SPICE1: variants seen among roughly 807,000 people sequenced by gnomAD.
The protein encoded by SPICE1 is spindle and centriole-associated protein 1.
Under a neutral mutation model 102.7 loss-of-function variants are expected in SPICE1, and 75 were observed. The ratio of observed to expected loss-of-function variants is 0.73; its 90% CI spans 0.61 to 0.88. SPICE1 has a LOEUF of 0.88. SPICE1 is among the 40% of genes least tolerant of loss of function. The pLI, the probability that SPICE1 is intolerant of heterozygous loss-of-function variation, is 0.00. For missense variants in SPICE1, 979 were observed against 1,020.1 expected, an observed-to-expected ratio of 0.96 and a Z score of 0.55; for synonymous variants, 308 against 350.3, an observed-to-expected ratio of 0.88 and a Z score of 1.35.
chr3:113,504,155 T>C (rs1576649711), intron 2 of SPICE1, among the ~76,000 whole-genome samples: 1 of 151,994 alleles, frequency 6.6e-6, no homozygotes, highest in Non-Finnish European at 1.5e-5. Flanking sequence ...AATATCAGAG[T>C]CCGTGTAAAT....
chr3:113,496,600 A>G (rs1463643), intron 4 of SPICE1, among the ~76,000 whole-genome samples: 38,223 of 152,112 alleles, frequency 0.25, 5,138 homozygotes, highest in African/African-American at 0.35. Context: ...CTTGATTCCC[A>G]TGGCATGGGT....
chr3:113,476,629 C>T (rs1303201884), intron 7 of SPICE1, among the ~76,000 whole-genome samples: 1 of 148,496 alleles, frequency 6.7e-6, no homozygotes, highest in Non-Finnish European at 1.5e-5. Context: ...GAAATAACGC[C>T]GCATATCTAC....
In SPICE1 at chr3:113,444,026, T is replaced by C. The variant is rs1442065853; in HGVS notation, c.*1281A>G. ...AGGTTGAGCAAGTTATTAGCAGCTT[T>C]CTGGGGCATACTGGAGAAGTCATAT... On this transcript the variant is annotated 3_prime_UTR_variant, in exon 18 of 18. Transcript: ENST00000295872. 3 of 152,182 alleles carry C rather than the reference T, an allele frequency of 2.0e-5. No homozygotes were observed. The highest frequency in any genetic ancestry group is 4.4e-5 in the Non-Finnish European group (3 of 68,042). 9.4% of individuals were successfully genotyped at this position (152,182 alleles called of 1,614,324 possible). A position where few individuals can be genotyped will look rare whatever the true frequency, so the allele number is the denominator to read the frequency against.
At chr3:113,470,019 G>A (rs1055300877) in intron 7 of SPICE1, among the ~76,000 whole-genome samples, 3 of 152,112 alleles carry the variant, frequency 2.0e-5, no homozygotes, top group African/African-American at 7.2e-5. Flanking sequence ...TGCAGTTTAG[G>A]GGTTAGTAAT....
intron 7 of SPICE1, among the ~76,000 whole-genome samples, chr3:113,474,978 A>G (rs1417818059): frequency 6.6e-6 from 1 of 152,220 alleles, no homozygotes; most frequent in Admixed American, 6.5e-5. Context: ...CCCTTCAAAA[A>G]AGTAATGAAT....
chr3:113,507,615 G>C (rs1017299274), intron 1 of SPICE1, among the ~76,000 whole-genome samples: 1 of 152,056 alleles, frequency 6.6e-6, no homozygotes, highest in African/African-American at 2.4e-5. Context: ...CTTAAACATG[G>C]TATCTAATTT....
At chr3:113,509,185 T>A (rs1937170530) in intron 1 of SPICE1, among the ~76,000 whole-genome samples, 2 of 152,174 alleles carry the variant, frequency 1.3e-5, no homozygotes. Context: ...ATTATGTGAA[T>A]TGACTAAAAA....
intron 15 of SPICE1, chr3:113,448,844 T>C (rs1224614553): frequency 4.6e-5 from 7 of 152,304 alleles, no homozygotes; most frequent in East Asian, 3.9e-4. Flanking sequence ...TCATGATATA[T>C]GGTTTATTTT....
At chr3:113,506,333 C>A (rs926270459) in intron 2 of SPICE1, among the ~76,000 whole-genome samples, 174 bp downstream of exon 2, 3 of 152,142 alleles carry the variant, frequency 2.0e-5, no homozygotes, top group Non-Finnish European at 2.9e-5. Flanking sequence ...AAACCTCCCC[C>A]AAAGGATTCT....
chr3:113,514,595 AAC>A (rs1230460932), intron 1 of SPICE1: 4 of 461,506 alleles, frequency 8.7e-6, no homozygotes, highest in African/African-American at 8.0e-5. Context: ...CTCTGCTTGG[AAC>A]ACTCATTAGG....
At chr3:113,512,829 C>T (rs1937247568) in intron 1 of SPICE1, among the ~76,000 whole-genome samples, 1 of 152,116 alleles carries the variant, frequency 6.6e-6, no homozygotes, top group African/African-American at 2.4e-5. Context: ...CCATTAGATA[C>T]CCTCTCCTTT....
intron 4 of SPICE1, chr3:113,498,818 T>C (rs1334107217): frequency 6.6e-6 from 1 of 152,262 alleles, no homozygotes; most frequent in Non-Finnish European, 1.5e-5. Flanking sequence ...AAAGGTTATT[T>C]GCTGTAGTTT....
At chr3:113,472,830 T>C (rs534624262) in intron 7 of SPICE1, among the ~76,000 whole-genome samples, 2 of 151,938 alleles carry the variant, frequency 1.3e-5, no homozygotes, top group East Asian at 1.9e-4. Context: ...ACCACAAAGA[T>C]GGGGAAGAAA....
At chr3:113,460,401 C>T (rs768778179) in intron 12 of SPICE1, 14 of 944,454 alleles carry the variant, frequency 1.5e-5, no homozygotes, top group African/African-American at 3.6e-5. Flanking sequence ...TATTATGACA[C>T]GAATTGAAAT....
chr3:113,461,492 G>T (rs969305213), intron 11 of SPICE1, among the ~76,000 whole-genome samples: 2 of 152,086 alleles, frequency 1.3e-5, no homozygotes, highest in African/African-American at 4.8e-5. Flanking sequence ...TGCCCAGAAG[G>T]TTAGATGAAT....
chr3:113,490,674 G>A (rs1432778884), intron 6 of SPICE1, among the ~76,000 whole-genome samples: 2 of 151,894 alleles, frequency 1.3e-5, no homozygotes, highest in Non-Finnish European at 2.9e-5. Flanking sequence ...TACTCAATAG[G>A]TCCAAGCTGA....
At chr3:113,473,310 T>C (rs1224845585) in intron 7 of SPICE1, among the ~76,000 whole-genome samples, 2 of 152,122 alleles carry the variant, frequency 1.3e-5, no homozygotes, top group African/African-American at 2.4e-5. Context: ...CTACGTCTGA[T>C]TGGTGTACCT....
chr3:113,496,416 T>C (rs1012088801), intron 4 of SPICE1, among the ~76,000 whole-genome samples: 3 of 110,642 alleles, frequency 2.7e-5, no homozygotes, highest in African/African-American at 1.1e-4. Flanking sequence ...GATCCCAGTC[T>C]CTACAAAAAA....
chr3:113,484,791 C>T (rs1425550674), intron 7 of SPICE1, among the ~76,000 whole-genome samples: 4 of 151,850 alleles, frequency 2.6e-5, no homozygotes, highest in African/African-American at 7.3e-5. Context: ...GAGTGTTTTA[C>T]TCAATTTCAG....
Sources: gnomAD v4.1 joint callset for allele counts (sites outside exome capture counted in the v4.1 genomes callset) on GRCh38, gnomAD v4.1.1 for gene constraint, MANE v1.5 for transcripts, NCBI Gene and HGNC (gene_info 2026-07-23, HGNC 2026-07-21) for gene names.